The following PRDM16 variants were observed in gnomAD, a reference collection of about 807,000 sequenced individuals.
PRDM16 encodes the protein histone-lysine N-methyltransferase PRDM16.
PRDM16 carries 23 observed loss-of-function variants against 110.6 expected under a neutral mutation model. The ratio of observed to expected loss-of-function variants is 0.21; its 90% confidence interval spans 0.15 to 0.29. The LOEUF (loss-of-function observed/expected upper bound fraction) is 0.29. Among genes scored for constraint, PRDM16 ranks in the 10% least tolerant of loss-of-function variants. The pLI is 1.00. For synonymous variants in PRDM16, 799 were observed against 781.8 expected, an observed-to-expected ratio of 1.02 and a Z score of -0.37; for missense variants, 1,615 against 1,794.3, an observed-to-expected ratio of 0.90 and a Z score of 1.81.
chr1:3,296,119 C>T (rs144397090), intron 3 of PRDM16, among the ~76,000 whole-genome samples: 158 of 152,294 alleles, frequency 1.0e-3, no homozygotes, highest in African/African-American at 3.4e-3. Flanking sequence ...AGATCCACTC[C>T]GAGGGTCTCA....
chr1:3,351,579 T>TCCCCCAC (rs1642487296), intron 3 of PRDM16, among the ~76,000 whole-genome samples: 1 of 1,614 alleles, frequency 6.2e-4, no homozygotes, highest in African/African-American at 2.9e-3. Flanking sequence ...TTCCTCCTTC[T>TCCCCCAC]CTCCCTCCCT....
intron 3 of PRDM16, among the ~76,000 whole-genome samples, chr1:3,271,043 T>C (rs954576158): frequency 9.9e-5 from 15 of 152,134 alleles, no homozygotes; most frequent in Admixed American, 7.8e-4. Context: ...TCTGCCACGC[T>C]CCTCCCAGTC....
chr1:3,300,754 C>T (rs7513462), intron 3 of PRDM16, among the ~76,000 whole-genome samples: 1 of 152,096 alleles, frequency 6.6e-6, no homozygotes, highest in Non-Finnish European at 1.5e-5. Context: ...TCCCCCCGAA[C>T]CCCATTTATG....
chr1:3,099,497 TG>T lies in PRDM16; in HGVS notation c.37+30207del, dbSNP rs1226191514. 6.6e-5 allele frequency among the ~76,000 whole-genome samples: 10 copies of T among 152,104 alleles called. 1 individual carries two copies. In the East Asian group the frequency reaches 1.9e-3, roughly 29 times the overall value. On this transcript the variant is annotated intron_variant, in intron 1 of 16. Coordinates refer to ENST00000270722, the MANE Select transcript of PRDM16 (RefSeq NM_022114.4). ...CTAGCTGAGCATTAAACAAGGCCGGTGGGGGGCAAGGGTCCTGGCATCCTGC... is the reference window on the plus strand; with the variant it reads ...CTAGCTGAGCATTAAACAAGGCCGGTGGGGGCAAGGGTCCTGGCATCCTGC...
intron 2 of PRDM16, among the ~76,000 whole-genome samples, chr1:3,194,934 C>T (rs543831182): frequency 2.6e-5 from 4 of 152,316 alleles, no homozygotes; most frequent in Non-Finnish European, 5.9e-5. Flanking sequence ...CTCCACTCTG[C>T]GTGGAGAGTT....
intron 1 of PRDM16, among the ~76,000 whole-genome samples, chr1:3,167,114 T>C (rs1643966387): frequency 6.6e-6 from 1 of 152,090 alleles, no homozygotes; most frequent in Non-Finnish European, 1.5e-5. Flanking sequence ...CTGGTGCTGG[T>C]CTACATGGCT....
rs1196496270 is a variant in PRDM16, at chr1:3,370,889, A to AC, written c.439-14261dup. On this transcript the variant is annotated intron_variant, in intron 3 of 16. Coordinates refer to ENST00000270722, the MANE Select transcript of PRDM16 (RefSeq NM_022114.4). This position sits in a 1 kb window ranked among gnomAD's most constrained non-coding sequence, Gnocchi z 4.8. Reference sequence around the variant, plus strand: ...TAATTATCCATCCACCCACCCATCCACCATCCATTCATCCATCCATCCATC... The same window carrying AC: ...TAATTATCCATCCACCCACCCATCCACCCATCCATTCATCCATCCATCCATC... Among the ~76,000 whole-genome samples, 2 of 149,980 alleles carry AC rather than the reference A, an allele frequency of 1.3e-5. No individual in the cohort carries two copies. Among genetic ancestry groups the AC allele is most frequent in the Admixed American group, 6.6e-5 (1 of 15,092 alleles).
In PRDM16 at chr1:3,365,486, A is replaced by G. The variant is rs1032757050; in HGVS notation, c.439-19666A>G. Among the ~76,000 whole-genome samples the G allele has an allele frequency of 1.9e-4, 29 of 152,348 alleles. 3 individuals carry two copies. The highest frequency in any genetic ancestry group is 1.1e-3 in the Admixed American group (17 of 15,306). ...CTTCCTCCTTATATTGGGCAGGCCC[A>G]CACCCCAAAGCCCCACTGTATTCCA... is the stretch of plus-strand genomic sequence containing the variant. On this transcript the variant is annotated intron_variant, in intron 3 of 16. Transcript: ENST00000270722.
chr1:3,227,873 C>T (rs543420039), intron 2 of PRDM16, among the ~76,000 whole-genome samples: 1 of 152,352 alleles, frequency 6.6e-6, no homozygotes, highest in South Asian at 2.1e-4. Context: ...GCTTTAGAGC[C>T]GGCGTTCTCT....
At chr1:3,181,135 C>T (rs1439670753) in intron 1 of PRDM16, among the ~76,000 whole-genome samples, 2 of 141,442 alleles carry the variant, frequency 1.4e-5, no homozygotes, top group South Asian at 2.4e-4. Flanking sequence ...CAGTCTTACA[C>T]GCGGTCTTAC....
chr1:3,302,727 G>A (rs932085968), intron 3 of PRDM16, among the ~76,000 whole-genome samples: 3 of 152,038 alleles, frequency 2.0e-5, no homozygotes, highest in African/African-American at 4.8e-5. Flanking sequence ...CAGTGAAATC[G>A]GCCACAAAAA....
At chr1:3,388,968 T>C (rs1024583108) in intron 4 of PRDM16, among the ~76,000 whole-genome samples, 3 of 152,200 alleles carry the variant, frequency 2.0e-5, no homozygotes, top group Admixed American at 2.0e-4. Context: ...CCAGGGCACC[T>C]GCTGAGCTGG....
chr1:3,114,012 T>G (rs1642855612), intron 1 of PRDM16, among the ~76,000 whole-genome samples: 1 of 152,272 alleles, frequency 6.6e-6, no homozygotes, highest in Non-Finnish European at 1.5e-5. Context: ...GTTTTGTTTT[T>G]AAACCTACTA....
chr1:3,243,938 G>A lies in PRDM16; in HGVS notation c.388-149G>A. The A allele has an allele frequency of 2.7e-6, 2 of 740,524 alleles. No homozygotes were observed. Among genetic ancestry groups the A allele is most frequent in the Non-Finnish European group, 4.7e-6 (2 of 421,950 alleles). 45.9% of individuals were successfully genotyped at this position (740,524 alleles called of 1,614,324 possible). On this transcript the variant is annotated intron_variant, in intron 2 of 16. Coordinates refer to ENST00000270722, the MANE Select transcript of PRDM16 (RefSeq NM_022114.4). This position sits in a 1 kb window ranked among gnomAD's most constrained non-coding sequence, Gnocchi z 5.5. ...GGAAGAAGGGATACCTGTGATCAATGGAACCCTTCATTTCCTGCTGTGGAG... is the reference window on the plus strand; with the variant it reads ...GGAAGAAGGGATACCTGTGATCAATAGAACCCTTCATTTCCTGCTGTGGAG...
chr1:3,299,571 A>G (rs1376821685), intron 3 of PRDM16, among the ~76,000 whole-genome samples: 124 of 71,684 alleles, frequency 1.7e-3, no homozygotes, highest in East Asian at 3.1e-3. Context: ...AGTCGTGGTG[A>G]CTCTGCCCTG....
chr1:3,414,509 G>A lies in PRDM16; in HGVS notation c.2604-51G>A, dbSNP rs368481459. On this transcript the variant is annotated intron_variant, in intron 9 of 16. Transcript: ENST00000270722. ...GGCGGCTCTGTGGAGCGGGTGGCTCGGCGGGGCGGGCGGCTCGGTGGGGTA... is the reference window on the plus strand; with the variant it reads ...GGCGGCTCTGTGGAGCGGGTGGCTCAGCGGGGCGGGCGGCTCGGTGGGGTA... 2.2e-4 allele frequency: 314 copies of A among 1,432,502 alleles called. 1 individual carries two copies. In the African/African-American group the frequency reaches 3.4e-3, roughly 15 times the overall value. The allele number at this position is 1,432,502 out of a possible 1,614,324, so 88.7% of individuals were successfully genotyped here. A position where few individuals can be genotyped will look rare whatever the true frequency, so the allele number is the denominator to read the frequency against.
intron 7 of PRDM16, 139 bp from the exon 8 acceptor site, chr1:3,405,356 G>C: frequency 1.0e-6 from 1 of 965,210 alleles, no homozygotes; most frequent in Non-Finnish European, 1.5e-6. Context: ...GACCTGTCCC[G>C]GCCTGCTTGG....
chr1:3,399,926 C>G (rs981362900), intron 5 of PRDM16, among the ~76,000 whole-genome samples: 12 of 152,320 alleles, frequency 7.9e-5, no homozygotes, highest in Non-Finnish European at 1.8e-4. Context: ...AATCCACCCA[C>G]AGGCAGCTTC....
intron 1 of PRDM16, among the ~76,000 whole-genome samples, chr1:3,079,800 C>T (rs1336337435): frequency 6.6e-6 from 1 of 152,154 alleles, no homozygotes; most frequent in African/African-American, 2.4e-5. Flanking sequence ...GTGTACAACA[C>T]ACACACCTGC....
Sources: gnomAD v4.1 joint callset for allele counts (sites outside exome capture counted in the v4.1 genomes callset) on GRCh38, gnomAD v4.1.1 for gene constraint, Gnocchi (gnomAD v3.1) non-coding constraint, MANE v1.5 for transcripts, NCBI Gene and HGNC (gene_info 2026-07-23, HGNC 2026-07-21) for gene names.